Variants in COL4A6 observed in about 807,000 individuals in gnomAD.
The protein encoded by COL4A6 is collagen alpha-6(IV) chain.
A neutral mutation model predicts 126.7 loss-of-function variants in COL4A6; 59 were observed. The ratio of observed to expected loss-of-function variants is 0.47; its 90% CI spans 0.38 to 0.58. COL4A6 has a LOEUF of 0.58. Ranked by LOEUF, COL4A6 falls within the 20% of genes least tolerant of loss-of-function variation. COL4A6 has a pLI of 0.00. For synonymous variants in COL4A6, 547 were observed against 496.6 expected (o/e 1.10, Z -1.35); for missense variants, 1,285 against 1,337.3 (o/e 0.96, Z 0.61).
At chrX:108,377,248 C>T (rs758173053) in intron 2 of COL4A6, among the ~76,000 whole-genome samples, 14 of 112,479 alleles carry the variant, frequency 1.2e-4, no homozygotes, top group African/African-American at 4.5e-4. Context: ...CATGTCCCAC[C>T]TCCAGCCCTA....
At chrX:108,304,528 T>C (rs921934767) in intron 3 of COL4A6, among the ~76,000 whole-genome samples, 7 of 111,904 alleles carry the variant, frequency 6.3e-5, no homozygotes, top group African/African-American at 1.9e-4. Context: ...AAGAGGTTTT[T>C]AATGAAAGGT....
rs144384834 is a variant in COL4A6 at position 108,193,786 on chromosome X, T to C, written c.1003-89A>G. The C allele has an allele frequency of 1.3e-4, 94 of 746,119 alleles. 1 individual carries two copies. In the African/African-American group the frequency reaches 1.7e-3, roughly 13 times the overall value. The allele number at this position is 746,119 out of a possible 1,213,427, so 61.5% of individuals were successfully genotyped here. A position where few individuals can be genotyped will look rare whatever the true frequency, so the allele number is the denominator to read the frequency against. On this transcript the variant is annotated intron_variant, in intron 16 of 44. Transcript: ENST00000334504. ...CCATTAAAGCCCATCCCTAGGAAAA[T>C]GAAAGGTTCTTCCTTCTATAACCCC...
chrX:108,355,349 T>C (rs925506970), intron 2 of COL4A6, among the ~76,000 whole-genome samples: 2 of 112,479 alleles, frequency 1.8e-5, no homozygotes, highest in Admixed American at 9.4e-5. Context: ...CAGTAGTTTC[T>C]ACACCTAGAA....
At chrX:108,330,825 T>C (rs200884132) in intron 2 of COL4A6, among the ~76,000 whole-genome samples, 2 of 111,472 alleles carry the variant, frequency 1.8e-5, no homozygotes, top group Non-Finnish European at 3.8e-5. Flanking sequence ...TCATCACAAC[T>C]ATGTCATTAC....
At chrX:108,363,129 T>C (rs1224440918) in intron 2 of COL4A6, among the ~76,000 whole-genome samples, 1 of 112,170 alleles carries the variant, frequency 8.9e-6, no homozygotes, top group Non-Finnish European at 1.9e-5. Flanking sequence ...GAGAGTGGAC[T>C]GTATGTAGCT....
intron 3 of COL4A6, among the ~76,000 whole-genome samples, chrX:108,236,236 G>A (rs185051236): frequency 5.4e-5 from 6 of 111,651 alleles, no homozygotes; most frequent in African/African-American, 2.0e-4. Flanking sequence ...TGAGAACCAA[G>A]CAGCTAATCA....
Position 108,176,822 on chromosome X carries a change from C to A in COL4A6, c.2686+19G>T. ...CCTTTTTGGCAACCACTGGTCACTT[C>A]ACTGATCACTTCACTTACCCTTGGG... On this transcript the variant is annotated intron_variant, in intron 28 of 44. Coordinates refer to ENST00000334504, the MANE Select transcript of COL4A6 (RefSeq NM_033641.4). The A allele has an allele frequency of 8.4e-7, 1 of 1,194,285 alleles. No individual in the cohort carries two copies. Among genetic ancestry groups the A allele is most frequent in the Non-Finnish European group, 1.1e-6 (1 of 888,806 alleles).
chrX:108,265,919 A>T (rs938629698), intron 3 of COL4A6, among the ~76,000 whole-genome samples: 4 of 110,790 alleles, frequency 3.6e-5, no homozygotes, highest in Admixed American at 2.9e-4. Flanking sequence ...GATGACATAC[A>T]TAAAAAAAAA....
Position 108,438,179 on chromosome X carries a change from A to G in COL4A6, c.11+7T>C, listed in dbSNP as rs749456237. 1 of 1,202,875 alleles carries G rather than the reference A, an allele frequency of 8.3e-7. No homozygotes were observed. The highest frequency in any genetic ancestry group is 1.1e-6 in the Non-Finnish European group (1 of 892,068). On this transcript the variant is annotated splice_region_variant and intron_variant, in intron 1 of 44. Transcript: ENST00000334504. ...GAGGAGGGGAGCTCGGGGCAGCAACAGCTCACCCAGGGTGCATGCTTGCGG... is the reference window on the plus strand; with the variant it reads ...GAGGAGGGGAGCTCGGGGCAGCAACGGCTCACCCAGGGTGCATGCTTGCGG...
intron 32 of COL4A6, 66 bp from the exon 33 acceptor site, chrX:108,171,527 T>A (rs1414947069): frequency 2.2e-6 from 2 of 923,033 alleles, no homozygotes; most frequent in East Asian, 3.1e-5. Context: ...ACCACTGAGA[T>A]CTTTTGAACA....
intron 2 of COL4A6, among the ~76,000 whole-genome samples, chrX:108,350,851 G>T (rs1164745436): frequency 1.8e-5 from 2 of 111,220 alleles, no homozygotes; most frequent in Admixed American, 1.9e-4. Context: ...CTCCGTTTCT[G>T]GTTTCGGGAC....
At chrX:108,328,837 GGATA>G (rs2039225967) in intron 2 of COL4A6, among the ~76,000 whole-genome samples, 2 of 111,883 alleles carry the variant, frequency 1.8e-5, no homozygotes, top group Admixed American at 9.5e-5. Context: ...TTGGATGGAT[GGATA>G]AATAAAATGT....
chrX:108,209,568 A>G (rs1310136508), intron 8 of COL4A6, among the ~76,000 whole-genome samples: 2 of 112,483 alleles, frequency 1.8e-5, no homozygotes, highest in Non-Finnish European at 3.8e-5. Context: ...ACTCACCATT[A>G]TCAAGAGTCC....
intron 3 of COL4A6, among the ~76,000 whole-genome samples, chrX:108,306,860 A>G (rs2038637178): frequency 1.8e-5 from 2 of 111,205 alleles, no homozygotes; most frequent in Admixed American, 1.9e-4. Context: ...TTTAGATGGC[A>G]TGGATAATTA....
chrX:108,249,386 A>G (rs1429268117), intron 3 of COL4A6, among the ~76,000 whole-genome samples: 1 of 111,411 alleles, frequency 9.0e-6, no homozygotes, highest in African/African-American at 3.3e-5. Flanking sequence ...TGAAGCAGGG[A>G]ATCTTTAGTT....
At chrX:108,427,166 T>C (rs1348560669) in intron 2 of COL4A6, among the ~76,000 whole-genome samples, 4 of 111,703 alleles carry the variant, frequency 3.6e-5, no homozygotes, top group Non-Finnish European at 5.6e-5. Flanking sequence ...TCTGAGGAGT[T>C]ACGGAGCAAG....
At chrX:108,371,788 A>C (rs1374798571) in intron 2 of COL4A6, among the ~76,000 whole-genome samples, 2 of 103,926 alleles carry the variant, frequency 1.9e-5, no homozygotes, top group Admixed American at 2.1e-4. Flanking sequence ...ATACATAAAT[A>C]AAGTGTGTGA....
At chrX:108,407,850 G>C (rs575092849) in intron 2 of COL4A6, among the ~76,000 whole-genome samples, 1 of 112,237 alleles carries the variant, frequency 8.9e-6, no homozygotes, top group African/African-American at 3.2e-5. Context: ...GGTGGTGATC[G>C]CGTTAGTACC....
chrX:108,221,546 T>C (rs1407621434), intron 3 of COL4A6, among the ~76,000 whole-genome samples, 172 bp from the exon 4 acceptor site: 1 of 112,786 alleles, frequency 8.9e-6, no homozygotes, highest in Non-Finnish European at 1.9e-5. Flanking sequence ...TTTTAGGGAT[T>C]GCTAAGCTTA....
Sources: allele counts gnomAD v4.1 joint callset (sites outside exome capture counted in the v4.1 genomes callset), GRCh38; gene constraint gnomAD v4.1.1; transcripts MANE v1.5; gene names NCBI Gene and HGNC (gene_info 2026-07-23, HGNC 2026-07-21).